FABP12: variants seen among roughly 807,000 people sequenced by gnomAD.
FABP12 encodes fatty acid-binding protein 12.
A neutral mutation model predicts 13.7 loss-of-function variants in FABP12; 19 were observed. The ratio of observed to expected loss-of-function variants is 1.39; its 90% CI spans 0.97 to 2.04. The LOEUF is 2.04. FABP12 is among the 30% of genes most tolerant of loss of function. FABP12 has a pLI of 0.00. For missense variants in FABP12, 182 were observed against 164.2 expected, an observed-to-expected ratio of 1.11 and a Z score of -0.59; for synonymous variants, 61 against 57.0, an observed-to-expected ratio of 1.07 and a Z score of -0.32.
chr8:81,543,147 C>T (rs1223266288), intron 1 of FABP12, among the ~76,000 whole-genome samples: 2 of 152,172 alleles, frequency 1.3e-5, no homozygotes, highest in Admixed American at 6.5e-5. Flanking sequence ...AAGACATTGT[C>T]ATTGAAGGCA....
rs1563539961 is a variant in FABP12 at position 81,525,154 on chromosome 8, ATAGT to A, written c.349-38_349-35del. 3 of 1,328,970 alleles carry A rather than the reference ATAGT, an allele frequency of 2.3e-6. No homozygotes were observed. In the East Asian group the frequency reaches 7.3e-5, roughly 32 times the overall value. The allele number at this position is 1,328,970 out of a possible 1,614,324, so 82.3% of individuals were successfully genotyped here. On this transcript the variant is annotated intron_variant, in intron 4 of 4. Coordinates refer to ENST00000360464, the Ensembl canonical transcript of FABP12. ...CAAAAGAAATATGAGGTATTTCAGT[ATAGT>A]TAGTGAAATTAACATTTAGAAAAGT...
chr8:81,568,997 G>T (rs189867781), intron 1 of FABP12, among the ~76,000 whole-genome samples: 1 of 152,122 alleles, frequency 6.6e-6, no homozygotes, highest in Admixed American at 6.5e-5. Flanking sequence ...GAGTAGAGAT[G>T]GTTATGGGTA....
chr8:81,554,735 C>G (rs953975241), intron 1 of FABP12, among the ~76,000 whole-genome samples: 1 of 151,914 alleles, frequency 6.6e-6, no homozygotes, highest in African/African-American at 2.4e-5. Context: ...CTTCCCTGGG[C>G]CCCATTGAAA....
chr8:81,579,123 C>G (rs1350450028), intron 1 of FABP12, among the ~76,000 whole-genome samples: 3 of 152,096 alleles, frequency 2.0e-5, no homozygotes, highest in African/African-American at 7.2e-5. Context: ...CCACCGCGCC[C>G]AGCCTCAAGT....
chr8:81,537,139 A>T (rs1044606725), upstream of FABP12, among the ~76,000 whole-genome samples: 7 of 152,226 alleles, frequency 4.6e-5, no homozygotes, highest in Non-Finnish European at 1.0e-4. Flanking sequence ...AAAAATTAAT[A>T]TAAGGAGCCA....
chr8:81,559,295 C>T (rs967330127), intron 1 of FABP12, among the ~76,000 whole-genome samples: 6 of 152,230 alleles, frequency 3.9e-5, no homozygotes, highest in Non-Finnish European at 7.3e-5. Context: ...GTCCCAGTGA[C>T]GTTTTATGCC....
At chr8:81,579,095 T>C (rs1167349222) in intron 1 of FABP12, among the ~76,000 whole-genome samples, 2 of 152,142 alleles carry the variant, frequency 1.3e-5, no homozygotes, top group African/African-American at 4.8e-5. Flanking sequence ...CCCAAAGTGC[T>C]GGAATTACAG....
At chr8:81,556,988 C>T (rs1419807042) in intron 1 of FABP12, among the ~76,000 whole-genome samples, 2 of 150,488 alleles carry the variant, frequency 1.3e-5, no homozygotes, top group African/African-American at 2.4e-5. Context: ...GATTCTCCTG[C>T]CTCAGCCTCT....
chr8:81,578,133 A>G (rs1276998541), intron 1 of FABP12, among the ~76,000 whole-genome samples: 1 of 152,242 alleles, frequency 6.6e-6, no homozygotes, highest in East Asian at 1.9e-4. Flanking sequence ...ATATAGGTGC[A>G]GAAACTAAAT....
chr8:81,536,294 A>G (rs762260677), upstream of FABP12, among the ~76,000 whole-genome samples: 10 of 152,204 alleles, frequency 6.6e-5, no homozygotes, highest in Non-Finnish European at 1.2e-4. Flanking sequence ...ACATGCACAC[A>G]CACACTTTTT....
At chr8:81,537,932 A>G (rs1809262680), upstream of FABP12, among the ~76,000 whole-genome samples, 1 of 152,146 alleles carries the variant, frequency 6.6e-6, no homozygotes. Flanking sequence ...ATAAAGGAAT[A>G]CCTGAGACTG....
At chr8:81,546,197 C>T (rs1272688494) in intron 1 of FABP12, among the ~76,000 whole-genome samples, 3 of 152,154 alleles carry the variant, frequency 2.0e-5, no homozygotes, top group Non-Finnish European at 4.4e-5. Context: ...CCAGTCATAA[C>T]GTGATCTGTT....
intron 1 of FABP12, among the ~76,000 whole-genome samples, chr8:81,550,893 T>C: frequency 6.6e-6 from 1 of 152,220 alleles, no homozygotes; most frequent in African/African-American, 2.4e-5. Flanking sequence ...AAATGTCTGC[T>C]GTTAAATATC....
At chr8:81,553,512 T>C (rs549991888) in intron 1 of FABP12, among the ~76,000 whole-genome samples, 1 of 151,996 alleles carries the variant, frequency 6.6e-6, no homozygotes, top group Admixed American at 6.5e-5. Flanking sequence ...ATTATTATCA[T>C]TTTTTTCTGC....
chr8:81,564,995 C>A (rs529377187), intron 1 of FABP12, among the ~76,000 whole-genome samples: 154 of 151,530 alleles, frequency 1.0e-3, no homozygotes, highest in African/African-American at 3.7e-3. Flanking sequence ...TATAAAAAAA[C>A]AATCATACCA....
intron 1 of FABP12, among the ~76,000 whole-genome samples, chr8:81,560,926 C>T (rs1245185381): frequency 2.0e-5 from 3 of 152,194 alleles, no homozygotes; most frequent in Non-Finnish European, 4.4e-5. Context: ...GTTGTATCTT[C>T]AGGGTGTTAC....
At chr8:81,549,252 CAT>C (rs1554577853) in intron 1 of FABP12, among the ~76,000 whole-genome samples, 1 of 150,144 alleles carries the variant, frequency 6.7e-6, no homozygotes, top group Non-Finnish European at 1.5e-5. Flanking sequence ...CACACACACA[CAT>C]GCACGTACAC....
chr8:81,569,543 A>G (rs939883978), intron 1 of FABP12, among the ~76,000 whole-genome samples: 2 of 152,168 alleles, frequency 1.3e-5, no homozygotes, highest in Non-Finnish European at 2.9e-5. Context: ...ACAAAAAGAG[A>G]GCAAAGCCTG....
chr8:81,527,072 TC>T lies in FABP12; in HGVS notation c.295del (p.Asp99MetfsTer7). ...TCTCGTTATGGTGGTTTCTTTGCCATCCCAGTCCTGAACTTGAATCAGGGAC... is the reference window on the plus strand; with the variant it reads ...TCTCGTTATGGTGGTTTCTTTGCCATCCAGTCCTGAACTTGAATCAGGGAC... On this transcript the variant is annotated frameshift_variant, in exon 4 of 5. Transcript: ENST00000360464. LOFTEE classifies it high-confidence loss of function. 6.2e-7 allele frequency: 1 copy of T among 1,612,538 alleles called. No homozygotes were observed. The highest frequency in any genetic ancestry group is 1.1e-5 in the South Asian group (1 of 90,664).
Sources: allele counts gnomAD v4.1 joint callset (sites outside exome capture counted in the v4.1 genomes callset), GRCh38; gene constraint gnomAD v4.1.1; transcripts MANE v1.5; gene names NCBI Gene and HGNC (gene_info 2026-07-23, HGNC 2026-07-21).